The following TBC1D22A variants were observed in gnomAD, a reference collection of about 807,000 sequenced individuals.
TBC1D22A encodes the protein TBC1 domain family member 22A.
TBC1D22A carries 38 observed loss-of-function variants against 60.2 expected under a neutral mutation model. That is an observed-to-expected ratio of 0.63 (90% CI 0.49 to 0.83). TBC1D22A has a LOEUF of 0.83. Among genes scored for constraint, TBC1D22A ranks in the 40% least tolerant of loss-of-function variants. The probability of loss-of-function intolerance (pLI) is 0.00; values close to 1 mark genes in which losing one functional copy is unlikely to be tolerated. For synonymous variants in TBC1D22A, 302 were observed against 281.7 expected, an observed-to-expected ratio of 1.07 and a Z score of -0.72; for missense variants, 628 against 701.0, an observed-to-expected ratio of 0.90 and a Z score of 1.18.
At chr22:46,875,237 C>T (rs1255746554) in intron 4 of TBC1D22A, among the ~76,000 whole-genome samples, 3 of 152,282 alleles carry the variant, frequency 2.0e-5, no homozygotes, top group East Asian at 1.9e-4. Flanking sequence ...ACTACTGGTA[C>T]TGGCAACATG....
chr22:47,101,310 C>CT (rs1370672742), intron 11 of TBC1D22A, among the ~76,000 whole-genome samples: 1 of 152,214 alleles, frequency 6.6e-6, no homozygotes, highest in Non-Finnish European at 1.5e-5. Flanking sequence ...AAGTGTCCCC[C>CT]TGCCCCCCAA....
chr22:47,045,156 TGATA>T (rs1279889409), intron 11 of TBC1D22A, among the ~76,000 whole-genome samples: 1 of 152,256 alleles, frequency 6.6e-6, no homozygotes, highest in Non-Finnish European at 1.5e-5. Context: ...CGTACATTTA[TGATA>T]GATAAGACCT....
At chr22:46,918,716 A>G (rs1471399386) in intron 8 of TBC1D22A, among the ~76,000 whole-genome samples, 1 of 152,220 alleles carries the variant, frequency 6.6e-6, no homozygotes, top group African/African-American at 2.4e-5. Context: ...AGTGGCAAGC[A>G]AACTGTCACA....
At chr22:47,158,914 T>C (rs2067828808) in intron 12 of TBC1D22A, among the ~76,000 whole-genome samples, 1 of 151,094 alleles carries the variant, frequency 6.6e-6, no homozygotes, top group Non-Finnish European at 1.5e-5. Context: ...ACCACATAAA[T>C]ACACATCACA....
At position 46,815,814 on chromosome 22, in the gene TBC1D22A, T is replaced by C. The variant is rs374053686; in HGVS notation, c.637+18194T>C. Among the ~76,000 whole-genome samples, 18 of 151,820 alleles carry C rather than the reference T, an allele frequency of 1.2e-4. 1 individual carries two copies. The East Asian group carries it at 1.5e-3, about 13-fold the overall frequency. On this transcript the variant is annotated intron_variant, in intron 4 of 12. Transcript: ENST00000337137. Reference sequence around the variant, plus strand: ...AAGGGGATGGGTGCCTGGACCTCCGTGGATGGGGCTTGTTTGGCTGGTGGG... The same window carrying C: ...AAGGGGATGGGTGCCTGGACCTCCGCGGATGGGGCTTGTTTGGCTGGTGGG...
intron 12 of TBC1D22A, among the ~76,000 whole-genome samples, chr22:47,149,477 G>A (rs1460022908): frequency 1.3e-5 from 2 of 152,264 alleles, no homozygotes; most frequent in East Asian, 1.9e-4. Flanking sequence ...CCACCCCCAC[G>A]GCCACAGGCC....
At chr22:47,092,925 G>T (rs1412926751) in intron 11 of TBC1D22A, among the ~76,000 whole-genome samples, 1 of 152,204 alleles carries the variant, frequency 6.6e-6, no homozygotes, top group Non-Finnish European at 1.5e-5. Context: ...TTAGAGTGGT[G>T]CTCACAGACC....
intron 4 of TBC1D22A, among the ~76,000 whole-genome samples, chr22:46,838,812 C>A (rs182512292): frequency 3.9e-5 from 6 of 152,242 alleles, no homozygotes; most frequent in Admixed American, 6.5e-5. Flanking sequence ...AAAATTATAT[C>A]ATCTCAATAG....
intron 8 of TBC1D22A, among the ~76,000 whole-genome samples, chr22:46,957,481 G>A (rs1021204563): frequency 1.3e-5 from 2 of 152,216 alleles, no homozygotes; most frequent in Non-Finnish European, 2.9e-5. Flanking sequence ...ATGCTTATAA[G>A]ACCAGCACAT....
intron 8 of TBC1D22A, among the ~76,000 whole-genome samples, chr22:46,953,099 G>A (rs2073005516): frequency 1.3e-5 from 2 of 152,262 alleles, no homozygotes; most frequent in African/African-American, 4.8e-5. Context: ...ACTTCCTTGA[G>A]GGGAGAGCAT....
intron 1 of TBC1D22A, among the ~76,000 whole-genome samples, chr22:46,768,931 T>C (rs542623298): frequency 6.6e-6 from 1 of 151,622 alleles, no homozygotes; most frequent in East Asian, 1.9e-4. Flanking sequence ...CCGTCTCTAC[T>C]AAAAATACAA....
chr22:47,070,088 T>C (rs2063923176), intron 11 of TBC1D22A, among the ~76,000 whole-genome samples: 1 of 127,696 alleles, frequency 7.8e-6, no homozygotes, highest in Non-Finnish European at 1.6e-5. Context: ...CGCTGTCCCC[T>C]GTTGTTTGGT....
At chr22:47,004,869 A>G (rs1403210465) in intron 10 of TBC1D22A, among the ~76,000 whole-genome samples, 1 of 151,744 alleles carries the variant, frequency 6.6e-6, no homozygotes, top group Non-Finnish European at 1.5e-5. Flanking sequence ...ACACCCCTGT[A>G]TAAGTGCCTA....
chr22:46,947,494 G>A (rs2072621524), intron 8 of TBC1D22A, among the ~76,000 whole-genome samples: 2 of 152,184 alleles, frequency 1.3e-5, no homozygotes, highest in South Asian at 4.1e-4. Context: ...AGAACCTGCT[G>A]AACCTGCTGG....
chr22:47,076,388 C>G (rs796397291), intron 11 of TBC1D22A, among the ~76,000 whole-genome samples: 1 of 83,000 alleles, frequency 1.2e-5, no homozygotes, highest in Admixed American at 1.4e-4. Context: ...TATACACACA[C>G]ACACACACAC....
At chr22:47,068,510 A>G (rs2063855453) in intron 11 of TBC1D22A, among the ~76,000 whole-genome samples, 1 of 152,224 alleles carries the variant, frequency 6.6e-6, no homozygotes, top group Non-Finnish European at 1.5e-5. Context: ...CTTTTCATAT[A>G]AGTTCTTTCT....
At chr22:46,904,115 CTATCTATCTATCTATCTAT>C (rs2069225758) in intron 7 of TBC1D22A, among the ~76,000 whole-genome samples, 2 of 74,558 alleles carry the variant, frequency 2.7e-5, no homozygotes, top group African/African-American at 1.1e-4. Context: ...ATCTATCTAT[CTATCTATCTATCTATCTAT>C]CTATCTATCT....
chr22:47,144,075 C>T (rs1480284003), intron 12 of TBC1D22A, among the ~76,000 whole-genome samples: 1 of 152,230 alleles, frequency 6.6e-6, no homozygotes, highest in African/African-American at 2.4e-5. Flanking sequence ...TAGACGGTGT[C>T]AGGGGATCCT....
intron 11 of TBC1D22A, among the ~76,000 whole-genome samples, chr22:47,056,466 C>G (rs1469778627): frequency 1.3e-5 from 2 of 152,104 alleles, no homozygotes; most frequent in Non-Finnish European, 2.9e-5. Flanking sequence ...GAGGCCACCC[C>G]CCTTCCTGAT....
Sources: allele counts gnomAD v4.1 joint callset (sites outside exome capture counted in the v4.1 genomes callset), GRCh38; gene constraint gnomAD v4.1.1; transcripts MANE v1.5; gene names NCBI Gene and HGNC (gene_info 2026-07-23, HGNC 2026-07-21).